DCC: variants seen among roughly 807,000 people sequenced by gnomAD.
DCC encodes the protein DCC netrin 1 receptor.
DCC carries 58 observed loss-of-function variants against 172.5 expected under a neutral mutation model. That is an observed-to-expected ratio of 0.34 (90% CI 0.27 to 0.42). The LOEUF (loss-of-function observed/expected upper bound fraction) is 0.42, where lower values mean the gene tolerates loss of function less well. DCC is among the 10% of genes least tolerant of loss of function. The pLI is 1.00. For missense variants in DCC, 1,740 were observed against 1,791.0 expected (o/e 0.97, Z 0.51); for synonymous variants, 709 against 644.5 (o/e 1.10, Z -1.52).
chr18:52,372,292 T>C (rs1367424104), intron 1 of DCC, among the ~76,000 whole-genome samples: 2 of 152,200 alleles, frequency 1.3e-5, no homozygotes, highest in Non-Finnish European at 2.9e-5. Context: ...GGATTGGTTG[T>C]GTAGTTGGAA....
chr18:53,164,563 A>G (rs945728496), intron 8 of DCC, among the ~76,000 whole-genome samples: 6 of 152,182 alleles, frequency 3.9e-5, no homozygotes, highest in African/African-American at 1.4e-4. Flanking sequence ...TTGTTATTTT[A>G]CCATCTGTGT....
chr18:53,464,486 A>G (rs554227476), intron 24 of DCC, among the ~76,000 whole-genome samples: 2 of 152,296 alleles, frequency 1.3e-5, no homozygotes, highest in Non-Finnish European at 2.9e-5. Flanking sequence ...AATGGTAAAT[A>G]ATGTCAGGTG....
At chr18:52,446,150 T>C (rs1017398959) in intron 1 of DCC, among the ~76,000 whole-genome samples, 1 of 152,148 alleles carries the variant, frequency 6.6e-6, no homozygotes, top group Admixed American at 6.5e-5. Flanking sequence ...CTCGATCTGC[T>C]GACCTCCTGA....
rs530455045 is a variant in DCC, at chr18:52,626,170, G to A, written c.92-125884G>A. Among the ~76,000 whole-genome samples the A allele has an allele frequency of 6.6e-4, 101 of 152,228 alleles. 1 individual carries two copies. Among genetic ancestry groups the A allele is most frequent in the Admixed American group, 1.3e-3 (20 of 15,284 alleles). On this transcript the variant is annotated intron_variant, in intron 1 of 28. Coordinates refer to ENST00000442544, the MANE Select transcript of DCC (RefSeq NM_005215.4). ...ACTACCTACTTGATATCTCTGCATG[G>A]ATGCCTAGTAAACATCTCAAGCTCT...
intron 5 of DCC, among the ~76,000 whole-genome samples, chr18:52,928,427 A>C (rs1406860933): frequency 6.6e-6 from 1 of 152,158 alleles, no homozygotes; most frequent in Non-Finnish European, 1.5e-5. Flanking sequence ...TGTACCCCTG[A>C]ATCTAAAATA....
intron 1 of DCC, among the ~76,000 whole-genome samples, chr18:52,692,356 C>T (rs539447363): frequency 5.3e-5 from 8 of 152,278 alleles, no homozygotes; most frequent in Admixed American, 2.0e-4. Context: ...ATTAGTACCT[C>T]CTAAACCTCT....
chr18:53,210,716 T>C (rs764118746), intron 11 of DCC, among the ~76,000 whole-genome samples: 3 of 152,092 alleles, frequency 2.0e-5, no homozygotes, highest in Non-Finnish European at 4.4e-5. Flanking sequence ...AGTCTTACCA[T>C]AAAAAATATA....
At chr18:52,481,708 C>T (rs573055173) in intron 1 of DCC, among the ~76,000 whole-genome samples, 9 of 152,020 alleles carry the variant, frequency 5.9e-5, no homozygotes, top group South Asian at 2.1e-4. Context: ...CTAACAGTGA[C>T]GACTTAGGGT....
At chr18:53,157,319 G>C in intron 7 of DCC, 37 bp from the exon 8 acceptor site, 1 of 1,613,414 alleles carries the variant, frequency 6.2e-7, no homozygotes, top group Non-Finnish European at 8.5e-7. Flanking sequence ...ACCTATGGCA[G>C]CGACACCTCT....
chr18:53,393,711 C>T (rs1350110053), intron 17 of DCC, among the ~76,000 whole-genome samples: 1 of 152,162 alleles, frequency 6.6e-6, no homozygotes, highest in Non-Finnish European at 1.5e-5. Context: ...TTGTTTTCTT[C>T]AGAATGGTTT....
intron 5 of DCC, among the ~76,000 whole-genome samples, chr18:53,000,360 G>A (rs188332741): frequency 3.0e-4 from 45 of 152,048 alleles, no homozygotes; most frequent in South Asian, 1.2e-3. Flanking sequence ...TATTGACTAC[G>A]TCAGCCTTCC....
chr18:53,403,708 TC>T (rs148544768), intron 19 of DCC, among the ~76,000 whole-genome samples: 63,857 of 151,700 alleles, frequency 0.42, 15,127 homozygotes, highest in Non-Finnish European at 0.55. Context: ...CTTTTTTCCT[TC>T]TTTTTTTGCA....
chr18:52,944,367 G>A (rs2040508934), intron 5 of DCC, among the ~76,000 whole-genome samples: 1 of 152,102 alleles, frequency 6.6e-6, no homozygotes, highest in Non-Finnish European at 1.5e-5. Flanking sequence ...TTAAAGGCAG[G>A]ATCACTCAGG....
chr18:53,380,964 G>T (rs11665364), intron 15 of DCC, among the ~76,000 whole-genome samples: 69,645 of 151,860 alleles, frequency 0.46, 16,916 homozygotes, highest in Non-Finnish European at 0.54. Context: ...ATCCAACAGA[G>T]AGTAAATTAT....
At chr18:53,388,387 G>T (rs974626002) in intron 16 of DCC, among the ~76,000 whole-genome samples, 2 of 152,162 alleles carry the variant, frequency 1.3e-5, no homozygotes, top group African/African-American at 4.8e-5. Context: ...TTCTGCAAAG[G>T]CATACCATGG....
intron 1 of DCC, among the ~76,000 whole-genome samples, chr18:52,556,073 C>T (rs2032906616): frequency 6.6e-6 from 1 of 152,088 alleles, no homozygotes; most frequent in African/African-American, 2.4e-5. Context: ...CATTGAAATA[C>T]TTTCCAGGAA....
At chr18:53,383,683 C>T (rs1261441279) in intron 15 of DCC, among the ~76,000 whole-genome samples, 4 of 151,504 alleles carry the variant, frequency 2.6e-5, no homozygotes, top group African/African-American at 7.3e-5. Context: ...GGTTTCCAGA[C>T]ATTTTTTAGC....
intron 1 of DCC, among the ~76,000 whole-genome samples, chr18:52,365,241 C>T (rs898018866): frequency 1.1e-4 from 16 of 152,114 alleles, no homozygotes; most frequent in Non-Finnish European, 1.9e-4. Flanking sequence ...TGTTATCCTT[C>T]GCAGTAGTGA....
chr18:52,633,790 G>A (rs1461317765), intron 1 of DCC, among the ~76,000 whole-genome samples: 1 of 152,176 alleles, frequency 6.6e-6, no homozygotes, highest in Non-Finnish European at 1.5e-5. Context: ...TGCCAGATAT[G>A]TTAGAAGGTA....
Sources: gnomAD v4.1 joint callset for allele counts (sites outside exome capture counted in the v4.1 genomes callset) on GRCh38, gnomAD v4.1.1 for gene constraint, MANE v1.5 for transcripts, NCBI Gene and HGNC (gene_info 2026-07-23, HGNC 2026-07-21) for gene names.